TMEM263: variants seen among roughly 807,000 people sequenced by gnomAD.
The protein encoded by TMEM263 is transmembrane protein 263.
Under a neutral mutation model 8.6 loss-of-function variants are expected in TMEM263, and 5 were observed. The ratio of observed to expected loss-of-function variants is 0.58; its 90% CI spans 0.31 to 1.23. The LOEUF (loss-of-function observed/expected upper bound fraction) is 1.23. Ranked by LOEUF, TMEM263 falls within the 50% of genes most tolerant of loss-of-function variation. TMEM263 has a pLI of 0.07. For missense variants in TMEM263, 104 were observed against 138.8 expected, an observed-to-expected ratio of 0.75 and a Z score of 1.26; for synonymous variants, 50 against 47.9, an observed-to-expected ratio of 1.04 and a Z score of -0.18.
In TMEM263 at chr12:106,973,525, A is replaced by C. The variant is rs887818059; in HGVS notation, c.*2134A>C. ...AAAGCCACCTGGTACGTTTTGTCTC[A>C]TCAGGATTGTTTTAAATTCTAAACT... On this transcript the variant is annotated 3_prime_UTR_variant, in exon 4 of 4. Transcript: ENST00000280756. The C allele has an allele frequency of 2.6e-5, 4 of 152,590 alleles. No homozygotes were observed. Among genetic ancestry groups the C allele is most frequent in the African/African-American group, 9.7e-5 (4 of 41,438 alleles). The allele number at this position is 152,590 out of a possible 1,614,324, so 9.5% of individuals were successfully genotyped here.
intron 3 of TMEM263, among the ~76,000 whole-genome samples, chr12:106,968,666 A>G (rs1951876694): frequency 6.6e-6 from 1 of 152,264 alleles, no homozygotes; most frequent in African/African-American, 2.4e-5. Context: ...CAGATAATTT[A>G]TATGGTGATA....
intron 3 of TMEM263, among the ~76,000 whole-genome samples, 188 bp from the exon 4 acceptor site, chr12:106,970,917 G>A (rs1951910986): frequency 6.6e-6 from 1 of 152,194 alleles, no homozygotes; most frequent in Admixed American, 6.5e-5. Context: ...ATTGGACCAA[G>A]ATATTGTAAA....
chr12:106,970,015 G>A (rs953891932), intron 3 of TMEM263, among the ~76,000 whole-genome samples: 1 of 151,938 alleles, frequency 6.6e-6, no homozygotes, highest in African/African-American at 2.4e-5. Flanking sequence ...GAATTACTGA[G>A]GCAGTAATTT....
At position 106,971,397 on chromosome 12, in the gene TMEM263, A is replaced by G; in HGVS notation, c.*6A>G. ...AGAAAGACAAATCTGACTGAAATAT[A>G]GAGATACACTTGCGCTCCACAGCAC... On this transcript the variant is annotated 3_prime_UTR_variant, in exon 4 of 4. Coordinates refer to ENST00000280756, the MANE Select transcript of TMEM263 (RefSeq NM_152261.4). The G allele has an allele frequency of 3.1e-6, 5 of 1,593,068 alleles. No individual in the cohort carries two copies. Among genetic ancestry groups the G allele is most frequent in the Non-Finnish European group, 4.3e-6 (5 of 1,168,224 alleles).
intron 2 of TMEM263, among the ~76,000 whole-genome samples, chr12:106,958,284 A>G (rs913660117): frequency 9.2e-5 from 14 of 152,128 alleles, no homozygotes; most frequent in Admixed American, 9.2e-4. Context: ...AGGAAAATTT[A>G]TGTACTGTTT....
intron 2 of TMEM263, among the ~76,000 whole-genome samples, chr12:106,966,213 C>G (rs1951845537): frequency 1.3e-5 from 2 of 152,198 alleles, no homozygotes. Context: ...GTGTTTAGCT[C>G]TCATTCATAA....
chr12:106,973,427 ATATT>A lies in TMEM263; in HGVS notation c.*2042_*2045del, dbSNP rs1280012119. 1 of 152,562 alleles carries A rather than the reference ATATT, an allele frequency of 6.6e-6. No individual in the cohort carries two copies. Among genetic ancestry groups the A allele is most frequent in the Non-Finnish European group, 1.5e-5 (1 of 68,012 alleles). The allele number at this position is 152,562 out of a possible 1,614,324, so 9.5% of individuals were successfully genotyped here. A position where few individuals can be genotyped will look rare whatever the true frequency, so the allele number is the denominator to read the frequency against. ...GACATTTTGTTTACTGTATGCTTGC[ATATT>A]TATTTTCAACTTTGTTTGTCTTTAA... On this transcript the variant is annotated 3_prime_UTR_variant, in exon 4 of 4. Transcript: ENST00000280756.
At chr12:106,961,394 G>T (rs1004045174) in intron 2 of TMEM263, among the ~76,000 whole-genome samples, 2 of 151,682 alleles carry the variant, frequency 1.3e-5, no homozygotes, top group Non-Finnish European at 2.9e-5. Flanking sequence ...ATACTATCTG[G>T]CAGCTTACAA....
chr12:106,969,799 C>A (rs912821660), intron 3 of TMEM263, among the ~76,000 whole-genome samples: 2 of 150,638 alleles, frequency 1.3e-5, no homozygotes, highest in African/African-American at 2.4e-5. Flanking sequence ...TAAGCTAGTG[C>A]AAATTTTTAT....
At chr12:106,964,217 G>A (rs1951815949) in intron 2 of TMEM263, among the ~76,000 whole-genome samples, 1 of 152,074 alleles carries the variant, frequency 6.6e-6, no homozygotes, top group Non-Finnish European at 1.5e-5. Flanking sequence ...GTTTTATTTT[G>A]GAATTTGTTA....
chr12:106,963,403 T>C (rs1951803848), intron 2 of TMEM263, among the ~76,000 whole-genome samples: 1 of 152,192 alleles, frequency 6.6e-6, no homozygotes, highest in African/African-American at 2.4e-5. Flanking sequence ...GAAGTGGTTA[T>C]ATTCTGGATT....
Position 106,971,151 on chromosome 12 carries a change from T to C in TMEM263, c.111T>C (p.Arg37=), listed in dbSNP as rs1951915473. The C allele has an allele frequency of 3.7e-6, 6 of 1,614,228 alleles. No homozygotes were observed. The highest frequency in any genetic ancestry group is 1.6e-4 in the Middle Eastern group (1 of 6,062). ...AGCAGCAGCCAGGCATGTTGTCCCG[T>C]GTGACTGGGGGTATCTTCAGTGTTA... ...HPQQQPGMLS[R]VTGGIFSVTK... is the part of the protein sequence containing the mutation. The change falls in exon 4 of 4, where the codon CGT becomes CGC. Residue 37 remains arginine, a synonymous_variant. Coordinates refer to ENST00000280756, the MANE Select transcript of TMEM263 (RefSeq NM_152261.4).
intron 1 of TMEM263, 49 bp from the exon 2 acceptor site, chr12:106,957,033 A>C (rs886944102): frequency 1.0e-6 from 1 of 961,370 alleles, no homozygotes; most frequent in Non-Finnish European, 1.2e-6. Flanking sequence ...GCTAATTCCA[A>C]ATGAAAATAT....
At chr12:106,957,788 T>TA (rs1393244912) in intron 2 of TMEM263, among the ~76,000 whole-genome samples, 1 of 152,232 alleles carries the variant, frequency 6.6e-6, no homozygotes, top group African/African-American at 2.4e-5. Context: ...AGTGGGCACT[T>TA]ACAAGTTTTA....
intron 2 of TMEM263, among the ~76,000 whole-genome samples, chr12:106,965,307 C>T (rs530815397): frequency 1.3e-5 from 2 of 152,122 alleles, no homozygotes; most frequent in East Asian, 3.9e-4. Context: ...ATATCATATC[C>T]TCTCCCCATC....
intron 2 of TMEM263, among the ~76,000 whole-genome samples, chr12:106,965,965 A>G (rs1042140452): frequency 1.3e-5 from 2 of 152,176 alleles, no homozygotes; most frequent in Non-Finnish European, 2.9e-5. Context: ...TCTCAGATAG[A>G]ACACCTTAGT....
intron 2 of TMEM263, among the ~76,000 whole-genome samples, chr12:106,966,464 A>G (rs1951849373): frequency 6.6e-6 from 1 of 152,228 alleles, no homozygotes; most frequent in South Asian, 2.1e-4. Flanking sequence ...CGTGTGTGGT[A>G]GAATGATTTA....
At chr12:106,958,123 C>G (rs1260241828) in intron 2 of TMEM263, among the ~76,000 whole-genome samples, 1 of 152,050 alleles carries the variant, frequency 6.6e-6, no homozygotes, top group Non-Finnish European at 1.5e-5. Flanking sequence ...TCGTCTTTTT[C>G]TATTATAGGG....
chr12:106,956,139 G>A, intron 1 of TMEM263, 74 bp downstream of exon 1: 1 of 814,764 alleles, frequency 1.2e-6, no homozygotes, highest in Non-Finnish European at 1.5e-6. Flanking sequence ...TCTGCCGTCG[G>A]CGCCCCTGCC....
Sources: allele counts gnomAD v4.1 joint callset (sites outside exome capture counted in the v4.1 genomes callset), GRCh38; gene constraint gnomAD v4.1.1; transcripts MANE v1.5; gene names NCBI Gene and HGNC (gene_info 2026-07-23, HGNC 2026-07-21).